The following AGBL1 variants were observed in gnomAD, a reference collection of about 807,000 sequenced individuals.
AGBL1 encodes the protein cytosolic carboxypeptidase 4.
Under a neutral mutation model 118.9 loss-of-function variants are expected in AGBL1, and 130 were observed. That is an observed-to-expected ratio of 1.09 (90% CI 0.95 to 1.26). The LOEUF is 1.26. AGBL1 is among the 50% of genes most tolerant of loss of function. The pLI is 0.00. For synonymous variants in AGBL1, 555 were observed against 478.9 expected, an observed-to-expected ratio of 1.16 and a Z score of -2.08; for missense variants, 1,584 against 1,298.1, an observed-to-expected ratio of 1.22 and a Z score of -3.38.
intron 6 of AGBL1, among the ~76,000 whole-genome samples, 163 bp from the exon 7 acceptor site, chr15:86,247,508 T>C (rs894489781): frequency 2.0e-5 from 3 of 152,252 alleles, no homozygotes; most frequent in African/African-American, 2.4e-5. Context: ...GGATGTTAAC[T>C]TTGATCACTT....
chr15:86,488,360 A>G (rs148636985), intron 18 of AGBL1, among the ~76,000 whole-genome samples: 3 of 151,680 alleles, frequency 2.0e-5, no homozygotes, highest in Non-Finnish European at 4.4e-5. Flanking sequence ...TGTGAAGTCC[A>G]GTTCCAGCTC....
At chr15:86,725,593 T>C (rs2142734478) in intron 22 of AGBL1, among the ~76,000 whole-genome samples, 1 of 152,322 alleles carries the variant, frequency 6.6e-6, no homozygotes, top group Non-Finnish European at 1.5e-5. Flanking sequence ...CCTGTGTGCA[T>C]GTGTGAACAT....
At chr15:86,661,142 C>T (rs751116499) in intron 21 of AGBL1, among the ~76,000 whole-genome samples, 1 of 152,136 alleles carries the variant, frequency 6.6e-6, no homozygotes, top group Non-Finnish European at 1.5e-5. Context: ...AGAAGCTATT[C>T]TTCCTTCAGA....
At chr15:86,927,712 T>A (rs2080560054) in intron 23 of AGBL1, among the ~76,000 whole-genome samples, 1 of 152,156 alleles carries the variant, frequency 6.6e-6, no homozygotes, top group African/African-American at 2.4e-5. Context: ...CAGTAGTAGT[T>A]ATTGAAAAAA....
At chr15:86,099,101 T>G (rs1896558157) in intron 1 of AGBL1, among the ~76,000 whole-genome samples, 1 of 152,162 alleles carries the variant, frequency 6.6e-6, no homozygotes, top group Admixed American at 6.5e-5. Context: ...GAAAAGTTTA[T>G]AGCAATAAAT....
At chr15:86,658,234 T>C (rs567322808) in intron 21 of AGBL1, among the ~76,000 whole-genome samples, 2 of 152,144 alleles carry the variant, frequency 1.3e-5, no homozygotes, top group Non-Finnish European at 2.9e-5. Context: ...AATAATGTAA[T>C]GCCTCTAGAC....
intron 22 of AGBL1, among the ~76,000 whole-genome samples, chr15:86,779,978 T>A (rs1448346756): frequency 2.6e-5 from 4 of 152,108 alleles, no homozygotes; most frequent in Non-Finnish European, 5.9e-5. Context: ...GTATGTTTTA[T>A]TTCTGAGTCT....
At chr15:86,286,735 G>GTGTGTGTGTATATATATATATATA in intron 16 of AGBL1, among the ~76,000 whole-genome samples, 1 of 106,252 alleles carries the variant, frequency 9.4e-6, no homozygotes, top group African/African-American at 3.9e-5. Flanking sequence ...GTTTGTGTGT[G>GTGTGTGTGTATATATATATATATA]TATATATATA....
chr15:86,919,768 A>G (rs1348065025), downstream of AGBL1, among the ~76,000 whole-genome samples: 1 of 152,224 alleles, frequency 6.6e-6, no homozygotes, highest in Non-Finnish European at 1.5e-5. Flanking sequence ...ATGTTTTATA[A>G]TTGGTGTTGT....
At chr15:86,609,701 A>G (rs1281639186) in intron 21 of AGBL1, among the ~76,000 whole-genome samples, 3 of 152,164 alleles carry the variant, frequency 2.0e-5, no homozygotes, top group African/African-American at 4.8e-5. Context: ...TCATGTGAGA[A>G]TTGTTACAAT....
At chr15:86,490,673 A>G (rs543851905) in intron 18 of AGBL1, among the ~76,000 whole-genome samples, 44 of 152,180 alleles carry the variant, frequency 2.9e-4, no homozygotes, top group South Asian at 6.2e-4. Context: ...TTTATCACTG[A>G]GCTATAGATT....
At chr15:86,858,062 T>C (rs1179735527) in intron 22 of AGBL1, among the ~76,000 whole-genome samples, 6 of 152,136 alleles carry the variant, frequency 3.9e-5, no homozygotes. Flanking sequence ...TTATATCCAC[T>C]ACACACAGGC....
At chr15:86,702,255 T>A (rs1326806799) in intron 22 of AGBL1, among the ~76,000 whole-genome samples, 1 of 152,114 alleles carries the variant, frequency 6.6e-6, no homozygotes, top group Non-Finnish European at 1.5e-5. Flanking sequence ...AAAAAGGAAC[T>A]GACAAGCAAT....
chr15:86,655,112 A>C (rs893276385), intron 21 of AGBL1, among the ~76,000 whole-genome samples: 2 of 152,170 alleles, frequency 1.3e-5, no homozygotes, highest in African/African-American at 4.8e-5. Flanking sequence ...CAATCATTCC[A>C]GATGCATCTG....
At chr15:86,979,551 C>T (rs938919539) in intron 23 of AGBL1, among the ~76,000 whole-genome samples, 12 of 151,730 alleles carry the variant, frequency 7.9e-5, no homozygotes, top group African/African-American at 2.9e-4. Context: ...TGCAGTGGCG[C>T]GATCTCGGCT....
chr15:86,944,097 C>T (rs958335271), intron 23 of AGBL1, among the ~76,000 whole-genome samples: 8 of 152,026 alleles, frequency 5.3e-5, no homozygotes, highest in Admixed American at 2.6e-4. Context: ...AAGGGTGGGG[C>T]GCGGTGGCTC....
chr15:86,562,760 A>G (rs2083846077), intron 21 of AGBL1, among the ~76,000 whole-genome samples: 1 of 152,140 alleles, frequency 6.6e-6, no homozygotes, highest in African/African-American at 2.4e-5. Flanking sequence ...TTGGCTGTGA[A>G]TCCGTCTGGT....
intron 23 of AGBL1, among the ~76,000 whole-genome samples, chr15:86,954,221 A>G (rs1371000105): frequency 1.3e-5 from 2 of 152,210 alleles, no homozygotes; most frequent in Non-Finnish European, 2.9e-5. Flanking sequence ...TTCAACCACT[A>G]TAGAAAGCAG....
chr15:86,771,036 T>G (rs2078171872), intron 22 of AGBL1, among the ~76,000 whole-genome samples: 1 of 152,014 alleles, frequency 6.6e-6, no homozygotes, highest in Non-Finnish European at 1.5e-5. Context: ...GTGTGGTCCT[T>G]GCTCTCTTTC....
Sources: allele counts gnomAD v4.1 joint callset (sites outside exome capture counted in the v4.1 genomes callset), GRCh38; gene constraint gnomAD v4.1.1; transcripts MANE v1.5; gene names NCBI Gene and HGNC (gene_info 2026-07-23, HGNC 2026-07-21).